Variants in TMC1 observed in about 807,000 individuals in gnomAD.
TMC1 encodes the protein transmembrane channel-like protein 1.
A neutral mutation model predicts 105.8 loss-of-function variants in TMC1; 84 were observed. The ratio of observed to expected loss-of-function variants is 0.79; its 90% confidence interval spans 0.67 to 0.95. The LOEUF (loss-of-function observed/expected upper bound fraction) is 0.95. TMC1 is among the 40% of genes least tolerant of loss of function. The pLI is 0.00. For missense variants in TMC1, 817 were observed against 914.1 expected (o/e 0.89, Z 1.37); for synonymous variants, 315 against 311.5 (o/e 1.01, Z -0.12).
intron 13 of TMC1, among the ~76,000 whole-genome samples, chr9:72,783,443 A>G (rs1347460602): frequency 6.6e-6 from 1 of 152,162 alleles, no homozygotes; most frequent in Non-Finnish European, 1.5e-5. Context: ...AGTACAGCAA[A>G]AAGATGAAAG....
At chr9:72,686,546 C>G (rs538396516) in intron 5 of TMC1, among the ~76,000 whole-genome samples, 1 of 152,302 alleles carries the variant, frequency 6.6e-6, no homozygotes, top group Admixed American at 6.5e-5. Context: ...CGAGCTTGCT[C>G]TGAGGATCTT....
intron 9 of TMC1, chr9:72,741,579 A>T (rs2118020438): frequency 6.2e-6 from 1 of 161,960 alleles, no homozygotes; most frequent in Non-Finnish European, 1.3e-5. Context: ...CTCCAGAGTG[A>T]TGGTCTTTCC....
intron 8 of TMC1, among the ~76,000 whole-genome samples, chr9:72,708,147 T>G (rs1279122587): frequency 6.6e-6 from 1 of 152,224 alleles, no homozygotes; most frequent in Non-Finnish European, 1.5e-5. Context: ...ACCAGTAGCC[T>G]GCTGTTTTGG....
At chr9:72,603,418 CACA>C (rs1381099042) in intron 2 of TMC1, among the ~76,000 whole-genome samples, 5 of 147,766 alleles carry the variant, frequency 3.4e-5, no homozygotes, top group South Asian at 2.1e-4. Context: ...CACACACACA[CACA>C]CCACACTCCA....
At chr9:72,732,641 T>G (rs1827232220) in intron 8 of TMC1, among the ~76,000 whole-genome samples, 2 of 152,126 alleles carry the variant, frequency 1.3e-5, no homozygotes, top group Admixed American at 6.5e-5. Flanking sequence ...CAGGTACTGC[T>G]TTGCTTACAC....
At chr9:72,738,233 G>A (rs1424808892) in intron 8 of TMC1, among the ~76,000 whole-genome samples, 1 of 152,126 alleles carries the variant, frequency 6.6e-6, no homozygotes, top group East Asian at 1.9e-4. Context: ...TTACCACTGT[G>A]CCTATATTTT....
At chr9:72,676,261 C>A (rs527282061) in intron 5 of TMC1, among the ~76,000 whole-genome samples, 1 of 152,112 alleles carries the variant, frequency 6.6e-6, no homozygotes, top group Non-Finnish European at 1.5e-5. Context: ...CTAATATCAT[C>A]TCAGACTAAA....
chr9:72,832,117 A>C (rs1286825174), intron 23 of TMC1, among the ~76,000 whole-genome samples: 1 of 151,730 alleles, frequency 6.6e-6, no homozygotes, highest in Admixed American at 6.6e-5. Context: ...ATGCCTGGAT[A>C]ATTTTTAATT....
chr9:72,639,990 C>T (rs1046782371), intron 4 of TMC1, among the ~76,000 whole-genome samples: 3 of 152,162 alleles, frequency 2.0e-5, no homozygotes, highest in Non-Finnish European at 4.4e-5. Context: ...AATTCAAAAG[C>T]ATCATGCGAC....
intron 12 of TMC1, among the ~76,000 whole-genome samples, chr9:72,756,479 C>T (rs1336971430): frequency 6.6e-6 from 1 of 152,044 alleles, no homozygotes; most frequent in Non-Finnish European, 1.5e-5. Context: ...CTTCTAACTT[C>T]TTCCACCTCT....
At chr9:72,741,333 CT>C in intron 9 of TMC1, 1 of 349,818 alleles carries the variant, frequency 2.9e-6, no homozygotes, top group Admixed American at 3.8e-5. Flanking sequence ...CTTAACCTTC[CT>C]TTTCTTATGC....
At chr9:72,737,140 G>A (rs1317865610) in intron 8 of TMC1, among the ~76,000 whole-genome samples, 4 of 152,118 alleles carry the variant, frequency 2.6e-5, no homozygotes. Flanking sequence ...GATGGATATG[G>A]TATGTGGATT....
intron 12 of TMC1, among the ~76,000 whole-genome samples, chr9:72,759,560 T>A (rs1416903345): frequency 6.6e-6 from 1 of 152,156 alleles, no homozygotes; most frequent in East Asian, 1.9e-4. Flanking sequence ...TTCCTCCAAG[T>A]TCCGTGGATG....
intron 5 of TMC1, among the ~76,000 whole-genome samples, chr9:72,653,066 G>A (rs1219188988): frequency 1.3e-5 from 2 of 152,124 alleles, no homozygotes; most frequent in East Asian, 1.9e-4. Context: ...ATATATCAAT[G>A]TGTTGGGATT....
At chr9:72,791,277 G>A (rs990495608) in intron 15 of TMC1, among the ~76,000 whole-genome samples, 1 of 149,906 alleles carries the variant, frequency 6.7e-6, no homozygotes, top group Non-Finnish European at 1.5e-5. Flanking sequence ...ACTTTTCTAC[G>A]TTGGCTTCCA....
intron 8 of TMC1, 53 bp from the exon 9 acceptor site, chr9:72,740,066 T>A: frequency 7.2e-7 from 1 of 1,379,850 alleles, no homozygotes; most frequent in Non-Finnish European, 1.0e-6. Flanking sequence ...TTCTGTATTC[T>A]AGTCATTGCA....
chr9:72,673,327 G>A (rs939626564), intron 5 of TMC1, among the ~76,000 whole-genome samples: 1 of 151,934 alleles, frequency 6.6e-6, no homozygotes, highest in Admixed American at 6.6e-5. Flanking sequence ...AAAATAAGCA[G>A]AAGAAAGTAA....
At chr9:72,721,846 C>T (rs192169924) in intron 8 of TMC1, among the ~76,000 whole-genome samples, 2 of 152,320 alleles carry the variant, frequency 1.3e-5, no homozygotes, top group Admixed American at 1.3e-4. Context: ...CTCCAAGTCA[C>T]TGTTCATGCA....
chr9:72,832,761 T>G (rs1317884216), intron 23 of TMC1, among the ~76,000 whole-genome samples: 1 of 152,202 alleles, frequency 6.6e-6, no homozygotes, highest in Non-Finnish European at 1.5e-5. Context: ...ATTACAGTGA[T>G]GTACAGTTAT....
Sources: gnomAD v4.1 joint callset for allele counts (sites outside exome capture counted in the v4.1 genomes callset) on GRCh38, gnomAD v4.1.1 for gene constraint, MANE v1.5 for transcripts, NCBI Gene and HGNC (gene_info 2026-07-23, HGNC 2026-07-21) for gene names.